The following SNAP25 variants were observed in gnomAD, a reference collection of about 807,000 sequenced individuals.
SNAP25 encodes the protein synaptosomal-associated protein 25.
In SNAP25, 3 loss-of-function variants were observed where a neutral mutation model predicts 28.7. That is an observed-to-expected ratio of 0.10 (90% CI 0.05 to 0.27). The LOEUF (loss-of-function observed/expected upper bound fraction) is 0.27, where lower values mean the gene tolerates loss of function less well. SNAP25 is among the 10% of genes least tolerant of loss of function. The pLI is 1.00. For synonymous variants in SNAP25, 61 were observed against 88.1 expected (o/e 0.69, Z 1.72); for missense variants, 117 against 278.7 (o/e 0.42, Z 4.13).
intron 1 of SNAP25, among the ~76,000 whole-genome samples, chr20:10,244,991 A>G (rs1241460167): frequency 2.6e-5 from 4 of 152,064 alleles, no homozygotes; most frequent in Non-Finnish European, 5.9e-5. Context: ...TCGGCCTCCC[A>G]AAGTGCTGAG....
intron 1 of SNAP25, among the ~76,000 whole-genome samples, chr20:10,250,827 T>G (rs994735281): frequency 3.3e-5 from 5 of 152,216 alleles, no homozygotes; most frequent in Admixed American, 2.0e-4. Context: ...GAGATATCTT[T>G]AGATACGCAA....
chr20:10,267,537 G>A (rs1458124799), intron 1 of SNAP25, among the ~76,000 whole-genome samples: 1 of 122,126 alleles, frequency 8.2e-6, no homozygotes, highest in Admixed American at 8.2e-5. Flanking sequence ...TAGTCTCCAG[G>A]TTTTTTGTTT....
intron 1 of SNAP25, among the ~76,000 whole-genome samples, chr20:10,220,236 C>T (rs1420543238): frequency 6.6e-6 from 1 of 152,154 alleles, no homozygotes; most frequent in African/African-American, 2.4e-5. Context: ...TTCCTTCTTC[C>T]CCCATCCTTG....
chr20:10,305,944 T>C (rs2064347188), intron 7 of SNAP25, among the ~76,000 whole-genome samples, 185 bp from the exon 8 acceptor site: 1 of 151,570 alleles, frequency 6.6e-6, no homozygotes, highest in African/African-American at 2.4e-5. Context: ...AAAATTAAGC[T>C]TCTACGGTCA....
At chr20:10,219,247 C>G (rs1364085347) in intron 1 of SNAP25, 1 of 152,116 alleles carries the variant, frequency 6.6e-6, no homozygotes, top group Non-Finnish European at 1.5e-5. Flanking sequence ...TCTTTTGAAA[C>G]AGTAGTGGGA....
chr20:10,269,956 A>G (rs867119165), intron 1 of SNAP25, among the ~76,000 whole-genome samples: 1 of 152,214 alleles, frequency 6.6e-6, no homozygotes, highest in African/African-American at 2.4e-5. Flanking sequence ...CCCACTCTAT[A>G]TAACTATAGG....
intron 7 of SNAP25, among the ~76,000 whole-genome samples, chr20:10,300,353 T>C (rs149634004): frequency 2.0e-5 from 3 of 152,326 alleles, no homozygotes; most frequent in Admixed American, 2.0e-4. Flanking sequence ...GGGTCTTGAA[T>C]ATTGATTACA....
chr20:10,302,534 G>A (rs976707456), intron 7 of SNAP25, among the ~76,000 whole-genome samples: 15 of 152,140 alleles, frequency 9.9e-5, no homozygotes, highest in African/African-American at 3.6e-4. Context: ...GATTCCCGGA[G>A]CGTTCAGAAG....
rs539044079 is a variant in SNAP25, at chr20:10,275,333, G to GTGGACTGAGT, written c.-63-95_-63-86dup. On this transcript the variant is annotated intron_variant, in intron 1 of 7. Coordinates refer to ENST00000254976, the MANE Select transcript of SNAP25 (RefSeq NM_130811.4). ...CTTTCAGATCAGAAAACTGAGTCATGTGGACTGAGTATGGGCCATTTAGAT... is the reference window on the plus strand; with the variant it reads ...CTTTCAGATCAGAAAACTGAGTCATGTGGACTGAGTTGGACTGAGTATGGGCCATTTAGAT... The GTGGACTGAGT allele has an allele frequency of 9.8e-4, 452 of 461,392 alleles. 2 individuals carry two copies. The highest frequency in any genetic ancestry group is 7.1e-3 in the African/African-American group (356 of 50,106). 28.6% of individuals were successfully genotyped at this position (461,392 alleles called of 1,614,324 possible). A position where few individuals can be genotyped will look rare whatever the true frequency, so the allele number is the denominator to read the frequency against.
At chr20:10,260,638 G>C (rs73075485) in intron 1 of SNAP25, among the ~76,000 whole-genome samples, 50 of 151,792 alleles carry the variant, frequency 3.3e-4, no homozygotes, top group Non-Finnish European at 5.7e-4. Flanking sequence ...AACCATGACA[G>C]AATCAAGGAG....
intron 1 of SNAP25, among the ~76,000 whole-genome samples, chr20:10,250,853 T>A (rs2063214108): frequency 6.6e-6 from 1 of 152,190 alleles, no homozygotes; most frequent in African/African-American, 2.4e-5. Flanking sequence ...TACTATTGTG[T>A]TATAGTTACC....
At chr20:10,305,253 A>C (rs1207102549) in intron 7 of SNAP25, among the ~76,000 whole-genome samples, 2 of 152,186 alleles carry the variant, frequency 1.3e-5, no homozygotes, top group African/African-American at 4.8e-5. Flanking sequence ...TATTGAAAAA[A>C]AATCCTGGCC....
At chr20:10,281,432 C>T (rs2063776039) in intron 3 of SNAP25, among the ~76,000 whole-genome samples, 1 of 152,110 alleles carries the variant, frequency 6.6e-6, no homozygotes, top group South Asian at 2.1e-4. Flanking sequence ...TAACATGTAC[C>T]GAGGTGAAAT....
intron 1 of SNAP25, among the ~76,000 whole-genome samples, chr20:10,244,712 T>C (rs1305776474): frequency 6.6e-6 from 1 of 151,798 alleles, no homozygotes; most frequent in Non-Finnish European, 1.5e-5. Flanking sequence ...AAATCTTTTT[T>C]GTTTCTTTCT....
chr20:10,230,314 G>T (rs922229002), intron 1 of SNAP25, among the ~76,000 whole-genome samples: 2 of 152,178 alleles, frequency 1.3e-5, no homozygotes, highest in Non-Finnish European at 2.9e-5. Flanking sequence ...CCAAAGAACG[G>T]AGAGTCCCAT....
intron 1 of SNAP25, among the ~76,000 whole-genome samples, chr20:10,252,924 A>C (rs1182941351): frequency 6.6e-6 from 1 of 152,154 alleles, no homozygotes; most frequent in Non-Finnish European, 1.5e-5. Flanking sequence ...ATCTGAAAAA[A>C]AAAAGGGAGA....
intron 7 of SNAP25, among the ~76,000 whole-genome samples, chr20:10,302,454 C>G (rs1440741575): frequency 6.6e-6 from 1 of 152,120 alleles, no homozygotes; most frequent in Non-Finnish European, 1.5e-5. Flanking sequence ...CTGTTCAAAC[C>G]TAGGATCAGA....
intron 1 of SNAP25, among the ~76,000 whole-genome samples, chr20:10,255,463 A>G (rs936076007): frequency 6.6e-6 from 1 of 152,130 alleles, no homozygotes; most frequent in Non-Finnish European, 1.5e-5. Context: ...ACACACACAC[A>G]TACACACACA....
At chr20:10,230,872 G>A (rs1013854257) in intron 1 of SNAP25, among the ~76,000 whole-genome samples, 2 of 152,136 alleles carry the variant, frequency 1.3e-5, no homozygotes, top group South Asian at 2.1e-4. Context: ...GGATGAGGAA[G>A]GTGAGCATTC....
Sources: allele counts gnomAD v4.1 joint callset (sites outside exome capture counted in the v4.1 genomes callset), GRCh38; gene constraint gnomAD v4.1.1; transcripts MANE v1.5; gene names NCBI Gene and HGNC (gene_info 2026-07-23, HGNC 2026-07-21).